The following RGSL1 variants were observed in gnomAD, a reference collection of about 807,000 sequenced individuals.
RGSL1 encodes regulator of G protein signaling like 1.
In RGSL1, 97 loss-of-function variants were observed where a neutral mutation model predicts 124.7. The observed-to-expected ratio is 0.78, with a 90% CI of 0.66 to 0.92. The LOEUF (loss-of-function observed/expected upper bound fraction) is 0.92, where lower values mean the gene tolerates loss of function less well. RGSL1 is among the 40% of genes least tolerant of loss of function. The pLI, the probability that RGSL1 is intolerant of heterozygous loss-of-function variation, is 0.00. For synonymous variants in RGSL1, 424 were observed against 438.1 expected, an observed-to-expected ratio of 0.97 and a Z score of 0.40; for missense variants, 1,233 against 1,288.4, an observed-to-expected ratio of 0.96 and a Z score of 0.66.
chr1:182,520,849 G>A (rs591929), intron 9 of RGSL1, among the ~76,000 whole-genome samples: 131,508 of 152,120 alleles, frequency 0.86, 57,164 homozygotes, highest in Non-Finnish European at 0.89. Flanking sequence ...CTACACACAA[G>A]TTTCCTGTGT....
At chr1:182,559,916 C>T (rs1200909965) in intron 21 of RGSL1, among the ~76,000 whole-genome samples, 1 of 152,214 alleles carries the variant, frequency 6.6e-6, no homozygotes, top group African/African-American at 2.4e-5. Context: ...ACCTACTAGA[C>T]TACATGCTTT....
chr1:182,548,860 A>G (rs1263826179), intron 17 of RGSL1, 36 bp downstream of exon 17: 2 of 1,547,548 alleles, frequency 1.3e-6, no homozygotes, highest in South Asian at 2.4e-5. Context: ...CTGTTAGGTC[A>G]GGAAAACACA....
At chr1:182,472,212 C>T (rs1490700853) in intron 4 of RGSL1, among the ~76,000 whole-genome samples, 184 bp from the exon 5 acceptor site, 2 of 152,144 alleles carry the variant, frequency 1.3e-5, no homozygotes, top group Non-Finnish European at 2.9e-5. Context: ...CCTCTTCTCC[C>T]CATGCCTCCA....
At chr1:182,552,405 C>T (rs1303987752) in intron 18 of RGSL1, among the ~76,000 whole-genome samples, 1 of 152,150 alleles carries the variant, frequency 6.6e-6, no homozygotes, top group Non-Finnish European at 1.5e-5. Flanking sequence ...TAAGCCACCG[C>T]ACCCTGTGCA....
intron 14 of RGSL1, among the ~76,000 whole-genome samples, chr1:182,534,261 G>A (rs1659388958): frequency 6.6e-6 from 1 of 152,130 alleles, no homozygotes. Flanking sequence ...ATAAACTAGT[G>A]TCTGGTTCCT....
intron 10 of RGSL1, among the ~76,000 whole-genome samples, chr1:182,523,440 C>A (rs1169089498): frequency 1.3e-5 from 2 of 152,166 alleles, no homozygotes; most frequent in South Asian, 4.1e-4. Context: ...TGAAATTATT[C>A]TCTGAGGTTC....
At chr1:182,484,151 T>C (rs1654916116) in intron 6 of RGSL1, among the ~76,000 whole-genome samples, 1 of 152,084 alleles carries the variant, frequency 6.6e-6, no homozygotes, top group African/African-American at 2.4e-5. Flanking sequence ...AGAGGGCTAG[T>C]TCAGCTACAG....
chr1:182,557,675 A>G (rs2102347293), intron 21 of RGSL1, among the ~76,000 whole-genome samples: 1 of 152,298 alleles, frequency 6.6e-6, no homozygotes, highest in South Asian at 2.1e-4. Context: ...CACATTCACC[A>G]TGGTTATACT....
chr1:182,471,304 G>A (rs1281490352), intron 4 of RGSL1: 1 of 457,508 alleles, frequency 2.2e-6, no homozygotes. Flanking sequence ...GATGGAAAAA[G>A]GCAGACCAGT....
chr1:182,464,447 G>A (rs554569715), intron 4 of RGSL1, among the ~76,000 whole-genome samples: 2 of 152,290 alleles, frequency 1.3e-5, no homozygotes, highest in South Asian at 4.1e-4. Context: ...AGACTGGCCG[G>A]GGGTGGTGGC....
intron 6 of RGSL1, among the ~76,000 whole-genome samples, chr1:182,481,017 A>T (rs1027989958): frequency 1.3e-5 from 2 of 152,184 alleles, no homozygotes; most frequent in Non-Finnish European, 2.9e-5. Context: ...AAAATCTCAA[A>T]TAAACCACCT....
At chr1:182,547,097 G>T (rs539370497) in intron 15 of RGSL1, among the ~76,000 whole-genome samples, 2 of 152,318 alleles carry the variant, frequency 1.3e-5, no homozygotes, top group Admixed American at 1.3e-4. Context: ...CTTGTTGATT[G>T]CTCACTCTTT....
At chr1:182,456,567 G>A (rs943921830) in intron 2 of RGSL1, among the ~76,000 whole-genome samples, 26 of 152,164 alleles carry the variant, frequency 1.7e-4, no homozygotes, top group African/African-American at 6.3e-4. Flanking sequence ...CAAAGTGCTG[G>A]GATTACAGGC....
At chr1:182,499,750 T>A (rs1656211664) in intron 9 of RGSL1, among the ~76,000 whole-genome samples, 1 of 152,350 alleles carries the variant, frequency 6.6e-6, no homozygotes. Context: ...GATTTTGTAG[T>A]TGCCTTATAG....
chr1:182,503,890 C>T (rs967068923), intron 9 of RGSL1, among the ~76,000 whole-genome samples: 9 of 151,810 alleles, frequency 5.9e-5, no homozygotes, highest in Non-Finnish European at 1.2e-4. Context: ...CACCTAAGTA[C>T]CCACAAAAAT....
chr1:182,454,141 G>A (rs1652079610), intron 2 of RGSL1, 101 bp downstream of exon 2: 2 of 708,414 alleles, frequency 2.8e-6, no homozygotes, highest in Non-Finnish European at 4.9e-6. Flanking sequence ...GTTATTTGGG[G>A]TTTTACTAAA....
chr1:182,475,878 T>C (rs984677581), intron 6 of RGSL1, among the ~76,000 whole-genome samples: 4 of 152,206 alleles, frequency 2.6e-5, no homozygotes, highest in African/African-American at 9.6e-5. Context: ...GTATTTACCT[T>C]GTAAAGCACA....
At chr1:182,458,444 C>A in intron 3 of RGSL1, 51 bp downstream of exon 3, 1 of 1,377,606 alleles carries the variant, frequency 7.3e-7, no homozygotes, top group Non-Finnish European at 1.0e-6. Context: ...AATGAGGGAA[C>A]TATAATTGTT....
intron 14 of RGSL1, among the ~76,000 whole-genome samples, chr1:182,536,989 T>TA (rs1558406155): frequency 6.6e-6 from 1 of 152,198 alleles, no homozygotes; most frequent in Non-Finnish European, 1.5e-5. Context: ...TGCCCATTTT[T>TA]AAAAAACTTT....
Sources: gnomAD v4.1 joint callset for allele counts (sites outside exome capture counted in the v4.1 genomes callset) on GRCh38, gnomAD v4.1.1 for gene constraint, MANE v1.5 for transcripts, NCBI Gene and HGNC (gene_info 2026-07-23, HGNC 2026-07-21) for gene names.